The following ITSN2 variants were observed in gnomAD, a reference collection of about 807,000 sequenced individuals.
ITSN2 encodes the protein intersectin-2.
A neutral mutation model predicts 243.7 loss-of-function variants in ITSN2; 156 were observed. That is an observed-to-expected ratio of 0.64 (90% CI 0.56 to 0.73). The LOEUF is 0.73. Among genes scored for constraint, ITSN2 ranks in the 30% least tolerant of loss-of-function variants. The pLI is 0.00. For missense variants in ITSN2, 1,801 were observed against 1,996.1 expected (o/e 0.90, Z 1.86); for synonymous variants, 703 against 699.9 (o/e 1.00, Z -0.07).
chr2:24,238,728 T>C (rs928478189), intron 29 of ITSN2, among the ~76,000 whole-genome samples: 5 of 152,218 alleles, frequency 3.3e-5, no homozygotes, highest in South Asian at 2.1e-4. Flanking sequence ...GAGATACATA[T>C]GATTATCTCC....
chr2:24,308,930 C>T (rs919685641), intron 7 of ITSN2, 174 bp from the exon 8 acceptor site: 19 of 589,006 alleles, frequency 3.2e-5, no homozygotes, highest in Non-Finnish European at 6.1e-5. Flanking sequence ...GGTGAGTGAG[C>T]ACTACTACCT....
At chr2:24,276,828 A>G (rs892114027) in intron 17 of ITSN2, among the ~76,000 whole-genome samples, 2 of 152,224 alleles carry the variant, frequency 1.3e-5, no homozygotes, top group African/African-American at 4.8e-5. Context: ...TGGGATTCAC[A>G]TATGTTGAAG....
intron 13 of ITSN2, among the ~76,000 whole-genome samples, chr2:24,297,224 CA>C (rs1213411448): frequency 2.0e-5 from 3 of 151,980 alleles, no homozygotes; most frequent in African/African-American, 7.3e-5. Context: ...AGTCATCAAC[CA>C]AATAAAATGT....
chr2:24,358,741 C>A (rs1006489617), intron 1 of ITSN2, among the ~76,000 whole-genome samples: 1 of 152,162 alleles, frequency 6.6e-6, no homozygotes, highest in African/African-American at 2.4e-5. Context: ...TGTGAAAATA[C>A]AAATTTTTTA....
At chr2:24,293,123 CAA>C (rs1243738954) in intron 15 of ITSN2, 1 of 152,054 alleles carries the variant, frequency 6.6e-6, no homozygotes, top group African/African-American at 2.4e-5. Flanking sequence ...TGAGCAAAAA[CAA>C]AAACAGTTAC....
intron 31 of ITSN2, 69 bp from the exon 32 acceptor site, chr2:24,216,301 T>C: frequency 2.4e-6 from 3 of 1,272,670 alleles, no homozygotes; most frequent in Non-Finnish European, 3.2e-6. Flanking sequence ...ATGAATCCCA[T>C]GGCAGACCAA....
intron 31 of ITSN2, 40 bp downstream of exon 31, chr2:24,217,867 T>G: frequency 7.0e-7 from 1 of 1,419,314 alleles, no homozygotes; most frequent in Non-Finnish European, 1.0e-6. Flanking sequence ...TCTGGGGGCT[T>G]TGGGGTCAGC....
At position 24,360,442 on chromosome 2, in the gene ITSN2, C is replaced by A. The variant is rs1427853580; in HGVS notation, c.-172G>T. 6.6e-6 allele frequency: 1 copy of A among 152,444 alleles called. No homozygotes were observed. Among genetic ancestry groups the A allele is most frequent in the Non-Finnish European group, 1.5e-5 (1 of 68,290 alleles). The allele number at this position is 152,444 out of a possible 1,614,324, so 9.4% of individuals were successfully genotyped here. A position where few individuals can be genotyped will look rare whatever the true frequency, so the allele number is the denominator to read the frequency against. On this transcript the variant is annotated 5_prime_UTR_variant, in exon 1 of 40. Transcript: ENST00000355123. Reference sequence around the variant, plus strand: ...ACTGCAGCTGGCTTGGTCGTCAGGCCGCCGCCCGCGAACCTGTTGCGTAGC... The same window carrying A: ...ACTGCAGCTGGCTTGGTCGTCAGGCAGCCGCCCGCGAACCTGTTGCGTAGC...
chr2:24,266,835 G>A (rs1039257244), intron 20 of ITSN2, among the ~76,000 whole-genome samples: 2 of 151,840 alleles, frequency 1.3e-5, no homozygotes, highest in African/African-American at 4.8e-5. Flanking sequence ...TACTCAAGAG[G>A]TTGAGGTGGG....
chr2:24,240,843 A>G (rs1179525734), intron 29 of ITSN2: 1 of 152,260 alleles, frequency 6.6e-6, no homozygotes, highest in Non-Finnish European at 1.5e-5. Context: ...CAAATATAGT[A>G]TAATACTGTC....
At chr2:24,265,991 G>C (rs1190708945) in intron 20 of ITSN2, among the ~76,000 whole-genome samples, 1 of 152,118 alleles carries the variant, frequency 6.6e-6, no homozygotes. Flanking sequence ...AATTTGGGGG[G>C]AAATACCTGT....
At chr2:24,300,231 T>C in intron 11 of ITSN2, 60 bp from the exon 12 acceptor site, 3 of 1,513,412 alleles carry the variant, frequency 2.0e-6, no homozygotes, top group East Asian at 2.3e-5. Context: ...ACCTGTAATC[T>C]AGTTTCTATA....
chr2:24,300,269 C>T lies in ITSN2; in HGVS notation c.1082-98G>A, dbSNP rs1681554150. 6.9e-6 allele frequency: 8 copies of T among 1,166,124 alleles called. No homozygotes were observed. In the East Asian group the frequency reaches 9.4e-5, roughly 14 times the overall value. 72.2% of individuals were successfully genotyped at this position (1,166,124 alleles called of 1,614,324 possible). On this transcript the variant is annotated intron_variant, in intron 11 of 39. Coordinates refer to ENST00000355123, the MANE Select transcript of ITSN2 (RefSeq NM_006277.3). ...CTTATGCCTTGTGATCATTTGAGTG[C>T]TATCAGTATTTGAATACTTCTCCTA... is the stretch of plus-strand genomic sequence containing the variant.
chr2:24,339,449 C>G (rs933401079), intron 1 of ITSN2, among the ~76,000 whole-genome samples: 1 of 142,948 alleles, frequency 7.0e-6, no homozygotes, highest in East Asian at 2.0e-4. Flanking sequence ...CCAGCCTGAG[C>G]GACAGAGTGA....
At position 24,203,562 on chromosome 2, in the gene ITSN2, G is replaced by A. The variant is rs377088567; in HGVS notation, c.*64C>T. 4.4e-5 allele frequency: 66 copies of A among 1,506,772 alleles called. No homozygotes were observed. The highest frequency in any genetic ancestry group is 2.2e-4 in the Admixed American group (11 of 49,626). 93.3% of individuals were successfully genotyped at this position (1,506,772 alleles called of 1,614,324 possible). On this transcript the variant is annotated 3_prime_UTR_variant, in exon 40 of 40. Coordinates refer to ENST00000355123, the MANE Select transcript of ITSN2 (RefSeq NM_006277.3). ...GGTGCTCCCTCAGCCCCAAGAGAGC[G>A]CAGTCTCTCATTCTCCAGCCCCAGC...
At chr2:24,340,915 C>A (rs1389720766) in intron 1 of ITSN2, among the ~76,000 whole-genome samples, 1 of 151,982 alleles carries the variant, frequency 6.6e-6, no homozygotes, top group Admixed American at 6.6e-5. Context: ...GAGAGGAAGA[C>A]AACTCTGACA....
Position 24,211,966 on chromosome 2 carries a change from T to C in ITSN2, c.4089+684A>G, listed in dbSNP as rs1292154143. ...GGTCACACAGCTAACAGACCAAAAG[T>C]CAAGGAATCATCAATAGAAGTAACA... is the stretch of plus-strand genomic sequence containing the variant. On this transcript the variant is annotated intron_variant, in intron 33 of 39. Transcript: ENST00000355123. The surrounding 1 kb of genome is among the most constrained non-coding windows in gnomAD (Gnocchi z 4.1). Among the ~76,000 whole-genome samples the C allele has an allele frequency of 6.6e-6, 1 of 152,186 alleles. No homozygotes were observed. The highest frequency in any genetic ancestry group is 1.5e-5 in the Non-Finnish European group (1 of 68,018).
chr2:24,255,752 C>A (rs1270508822), intron 23 of ITSN2, among the ~76,000 whole-genome samples: 1 of 151,642 alleles, frequency 6.6e-6, no homozygotes, highest in African/African-American at 2.4e-5. Context: ...CGTAGTGAAA[C>A]CCTGTCTCTA....
chr2:24,205,440 G>T, intron 37 of ITSN2, 143 bp from the exon 38 acceptor site: 1 of 653,236 alleles, frequency 1.5e-6, no homozygotes, highest in South Asian at 1.7e-5. Flanking sequence ...GCTGCCCTGT[G>T]CCTTTCCCCA....
Sources: allele counts gnomAD v4.1 joint callset (sites outside exome capture counted in the v4.1 genomes callset), GRCh38; gene constraint gnomAD v4.1.1; non-coding constraint Gnocchi (gnomAD v3.1); transcripts MANE v1.5; gene names NCBI Gene and HGNC (gene_info 2026-07-23, HGNC 2026-07-21).